The following NBEA variants were observed in gnomAD, a reference collection of about 807,000 sequenced individuals.
NBEA encodes the protein neurobeachin.
A neutral mutation model predicts 343.4 loss-of-function variants in NBEA; 44 were observed. That is an observed-to-expected ratio of 0.13 (90% CI 0.10 to 0.16). NBEA has a LOEUF of 0.16. Ranked by LOEUF, NBEA falls within the 10% of genes least tolerant of loss-of-function variation. The probability of loss-of-function intolerance (pLI) is 1.00; values close to 1 mark genes in which losing one functional copy is unlikely to be tolerated. For synonymous variants in NBEA, 1,175 were observed against 1,238.7 expected, an observed-to-expected ratio of 0.95 and a Z score of 1.08; for missense variants, 2,555 against 3,631.3, an observed-to-expected ratio of 0.70 and a Z score of 7.62.
intron 8 of NBEA, among the ~76,000 whole-genome samples, chr13:35,068,522 A>T (rs545421009): frequency 6.6e-6 from 1 of 152,136 alleles, no homozygotes; most frequent in Admixed American, 6.6e-5. Flanking sequence ...GAATGCAGGT[A>T]TGCTGAGTTC....
At chr13:35,499,801 A>C (rs1314038014) in intron 41 of NBEA, among the ~76,000 whole-genome samples, 4 of 152,094 alleles carry the variant, frequency 2.6e-5, no homozygotes, top group Admixed American at 2.6e-4. Flanking sequence ...AACTGTTGCG[A>C]TATCCTCAGC....
intron 53 of NBEA, 50 bp from the exon 54 acceptor site, chr13:35,654,805 A>G (rs1045562052): frequency 1.3e-6 from 2 of 1,489,308 alleles, no homozygotes; most frequent in African/African-American, 1.5e-5. Flanking sequence ...AGTGCTTGGC[A>G]AAACTCATAT....
intron 1 of NBEA, among the ~76,000 whole-genome samples, chr13:34,993,567 T>C (rs151104323): frequency 1.3e-5 from 2 of 152,312 alleles, no homozygotes; most frequent in Admixed American, 1.3e-4. Flanking sequence ...GTGTGGAGAC[T>C]ATCCCTACCA....
chr13:34,966,831 C>T (rs1440076526), intron 1 of NBEA, among the ~76,000 whole-genome samples: 2 of 151,764 alleles, frequency 1.3e-5, no homozygotes, highest in Non-Finnish European at 2.9e-5. Flanking sequence ...ATTTATTAGT[C>T]AAAATGTGGT....
intron 38 of NBEA, among the ~76,000 whole-genome samples, chr13:35,361,953 A>G (rs1010692739): frequency 1.1e-4 from 16 of 151,932 alleles, no homozygotes; most frequent in African/African-American, 2.7e-4. Flanking sequence ...GAGCTGTCCT[A>G]TATTTTTACT....
chr13:34,994,823 T>G (rs57769991), intron 1 of NBEA, among the ~76,000 whole-genome samples: 2,342 of 152,332 alleles, frequency 0.015, 65 homozygotes, highest in African/African-American at 0.054. Context: ...CTGAGACTCT[T>G]GTGCATATGG....
chr13:35,018,890 G>C (rs995191192), intron 1 of NBEA, among the ~76,000 whole-genome samples: 2 of 152,112 alleles, frequency 1.3e-5, no homozygotes, highest in Non-Finnish European at 2.9e-5. Context: ...TTTTATAGAT[G>C]CCTTTTATGA....
At chr13:35,082,863 T>C (rs1449892043) in intron 10 of NBEA, among the ~76,000 whole-genome samples, 1 of 152,188 alleles carries the variant, frequency 6.6e-6, no homozygotes, top group East Asian at 1.9e-4. Context: ...TCCCATTCTG[T>C]AGGTGGCCTG....
At chr13:35,559,343 G>A (rs752000787) in intron 44 of NBEA, among the ~76,000 whole-genome samples, 1 of 152,158 alleles carries the variant, frequency 6.6e-6, no homozygotes, top group Non-Finnish European at 1.5e-5. Flanking sequence ...TAACGAACAC[G>A]GGTCCTAAAA....
chr13:35,359,792 G>T (rs1346510876), intron 38 of NBEA, among the ~76,000 whole-genome samples: 1 of 151,480 alleles, frequency 6.6e-6, no homozygotes, highest in African/African-American at 2.4e-5. Flanking sequence ...AGTGAACAGG[G>T]TTTAATAGCC....
chr13:35,322,585 G>T (rs187683831), intron 36 of NBEA, among the ~76,000 whole-genome samples: 2 of 152,152 alleles, frequency 1.3e-5, no homozygotes, highest in Non-Finnish European at 1.5e-5. Flanking sequence ...GCCAGCCAAC[G>T]CCCCATGCTC....
intron 34 of NBEA, among the ~76,000 whole-genome samples, chr13:35,260,316 T>C (rs2033092092): frequency 6.6e-6 from 1 of 152,248 alleles, no homozygotes; most frequent in Admixed American, 6.5e-5. Context: ...TTTCTTCTTT[T>C]TCTCATGATG....
At chr13:34,998,412 C>A (rs1395269951) in intron 1 of NBEA, among the ~76,000 whole-genome samples, 3 of 152,080 alleles carry the variant, frequency 2.0e-5, no homozygotes, top group Non-Finnish European at 4.4e-5. Flanking sequence ...ACTGGTCTGA[C>A]CAAAATTTTT....
chr13:35,314,509 C>G (rs1005663894), intron 36 of NBEA, among the ~76,000 whole-genome samples: 5 of 152,094 alleles, frequency 3.3e-5, no homozygotes, highest in African/African-American at 4.8e-5. Context: ...CTCAATTTTT[C>G]CCTGATTTAT....
intron 41 of NBEA, among the ~76,000 whole-genome samples, chr13:35,496,511 G>A (rs1034255912): frequency 5.3e-5 from 8 of 151,530 alleles, no homozygotes; most frequent in African/African-American, 1.9e-4. Flanking sequence ...GTGCACACCT[G>A]TGGTCCCAGC....
intron 31 of NBEA, among the ~76,000 whole-genome samples, chr13:35,201,420 A>G (rs929035400): frequency 6.6e-6 from 1 of 152,094 alleles, no homozygotes; most frequent in African/African-American, 2.4e-5. Context: ...TCATGAGAGC[A>G]TTCACCTTGC....
At chr13:35,416,639 A>G (rs1450730961) in intron 38 of NBEA, among the ~76,000 whole-genome samples, 3 of 152,176 alleles carry the variant, frequency 2.0e-5, no homozygotes, top group Admixed American at 2.0e-4. Flanking sequence ...TTGGCTTGCC[A>G]GTATTTTATT....
intron 38 of NBEA, among the ~76,000 whole-genome samples, chr13:35,420,353 A>G (rs957839123): frequency 1.3e-5 from 2 of 152,046 alleles, no homozygotes; most frequent in Non-Finnish European, 2.9e-5. Context: ...AATTTTGTCA[A>G]ATATCTTTTA....
At chr13:35,436,983 A>G (rs2045479408) in intron 39 of NBEA, among the ~76,000 whole-genome samples, 1 of 152,180 alleles carries the variant, frequency 6.6e-6, no homozygotes, top group Admixed American at 6.5e-5. Context: ...CATCAAAGCA[A>G]TCCCTGGGAT....
Sources: allele counts gnomAD v4.1 joint callset (sites outside exome capture counted in the v4.1 genomes callset), GRCh38; gene constraint gnomAD v4.1.1; transcripts MANE v1.5; gene names NCBI Gene and HGNC (gene_info 2026-07-23, HGNC 2026-07-21).